The following MAN2B1 variants were observed in gnomAD, a reference collection of about 807,000 sequenced individuals.
MAN2B1 encodes mannosidase alpha class 2B member 1.
In MAN2B1, 99 loss-of-function variants were observed where a neutral mutation model predicts 127.5. The ratio of observed to expected loss-of-function variants is 0.78; its 90% CI spans 0.66 to 0.92. The LOEUF is 0.92. MAN2B1 is among the 40% of genes least tolerant of loss of function. MAN2B1 has a pLI of 0.00. For missense variants in MAN2B1, 1,304 were observed against 1,384.8 expected (o/e 0.94, Z 0.93); for synonymous variants, 573 against 568.8 (o/e 1.01, Z -0.11).
Position 12,646,562 on chromosome 19 carries a change from G to A in MAN2B1, c.*58C>T, listed in dbSNP as rs750254194. ...GGCAGCAGCCCCAAGAGGAGAGTCA[G>A]AGTCTGGTCTGCCCCCGGAGCAGGA... On this transcript the variant is annotated 3_prime_UTR_variant, in exon 24 of 24. Transcript: ENST00000456935. The A allele has an allele frequency of 1.6e-5, 21 of 1,295,448 alleles. No individual in the cohort carries two copies. The highest frequency in any genetic ancestry group is 2.2e-5 in the Non-Finnish European group (20 of 890,550). 80.2% of individuals were successfully genotyped at this position (1,295,448 alleles called of 1,614,324 possible). A position where few individuals can be genotyped will look rare whatever the true frequency, so the allele number is the denominator to read the frequency against.
At chr19:12,646,961 A>T (rs1409628317) in intron 23 of MAN2B1, 16 of 608,504 alleles carry the variant, frequency 2.6e-5, no homozygotes, top group Non-Finnish European at 2.9e-5. Context: ...ATCTGACCCC[A>T]GGGGTGATGA....
chr19:12,663,642 G>A (rs2024160695), intron 5 of MAN2B1, 61 bp downstream of exon 5: 1 of 1,564,858 alleles, frequency 6.4e-7, no homozygotes, highest in Admixed American at 1.9e-5. Flanking sequence ...CAGATATCAA[G>A]CCCAGGGCCC....
At chr19:12,665,296 G>C in intron 3 of MAN2B1, 56 bp downstream of exon 3, 1 of 1,586,074 alleles carries the variant, frequency 6.3e-7, no homozygotes, top group Non-Finnish European at 8.6e-7. Flanking sequence ...AACCAGAGAT[G>C]CAGAAGCAGA....
rs1255559675 is a variant in MAN2B1 at position 12,665,684 on chromosome 19, G to C, written c.262+19C>G. On this transcript the variant is annotated intron_variant, in intron 2 of 23. Transcript: ENST00000456935. ...GGGACCATGGGGATCCCAGGGACCA[G>C]TCCCCATCCTCTACTCACTTCCATA... 1 of 1,608,586 alleles carries C rather than the reference G, an allele frequency of 6.2e-7. No homozygotes were observed. The highest frequency in any genetic ancestry group is 8.5e-7 in the Non-Finnish European group (1 of 1,174,918).
chr19:12,663,492 C>T (rs1217490960), intron 5 of MAN2B1, 30 bp from the exon 6 acceptor site: 1 of 1,611,568 alleles, frequency 6.2e-7, no homozygotes, highest in Non-Finnish European at 8.5e-7. Flanking sequence ...CAAGGGGTGG[C>T]CCATCACCCA....
chr19:12,665,091 G>C (rs556689288), intron 3 of MAN2B1, 106 bp from the exon 4 acceptor site: 1 of 1,192,724 alleles, frequency 8.4e-7, no homozygotes, highest in Admixed American at 1.8e-5. Flanking sequence ...CATTTCTGGC[G>C]GAAGGACAAG....
rs1568308577 is a variant in MAN2B1, at chr19:12,665,479, CG to C, written c.308del (p.Ser103TrpfsTer54). On this transcript the variant is annotated frameshift_variant, in exon 3 of 24. Transcript: ENST00000456935. LOFTEE classifies it high-confidence loss of function. ...GATCTGCCAGCAAGGCAGAGATGAC[CG>C]AGTCCAGGATGTACTGCACACCGGC... Reference protein sequence around the residue: ...QHAGVQYILDSVISALLADPT... With the variant: ...QHAGVQYILDXVISALLADPT... 3.1e-6 allele frequency: 5 copies of C among 1,614,118 alleles called. No individual in the cohort carries two copies. The highest frequency in any genetic ancestry group is 4.2e-6 in the Non-Finnish European group (5 of 1,180,036).
At chr19:12,660,852 G>A (rs763817485) in intron 7 of MAN2B1, 17 of 263,538 alleles carry the variant, frequency 6.5e-5, no homozygotes, top group Non-Finnish European at 8.3e-5. Flanking sequence ...TCCGCCTCCC[G>A]GATTCAAGAG....
In MAN2B1 at chr19:12,665,756, T is replaced by C. The variant is rs28934600; in HGVS notation, c.209A>G (p.His70Arg). 1 of 1,614,018 alleles carries C rather than the reference T, an allele frequency of 6.2e-7. No homozygotes were observed. The highest frequency in any genetic ancestry group is 1.3e-5 in the African/African-American group (1 of 74,900). The change falls in exon 2 of 24, where the codon CAC becomes CGC. Residue 70 changes from histidine to arginine, a missense_variant. His to Arg is a conservative substitution (Grantham distance 29, BLOSUM62 0). Coordinates refer to ENST00000456935, the MANE Select transcript of MAN2B1 (RefSeq NM_000528.4). The part of the protein sequence containing the change: ...PNMLNVHLLP[H>R]THDDVGWLKT... ...GAGCCAGCCCACGTCATCATGTGTGTGAGGCAGCAGGTGCACGTTCAGCAT... is the reference window on the plus strand; with the variant it reads ...GAGCCAGCCCACGTCATCATGTGTGCGAGGCAGCAGGTGCACGTTCAGCAT...
intron 7 of MAN2B1, among the ~76,000 whole-genome samples, chr19:12,659,835 A>G (rs2024061867): frequency 6.6e-6 from 1 of 152,048 alleles, no homozygotes. Flanking sequence ...ATAAATAAAT[A>G]AATAAAATTT....
Position 12,647,600 on chromosome 19 carries a change from T to G in MAN2B1, c.2665-2A>C. On this transcript the variant is annotated splice_acceptor_variant, in intron 21 of 23. Transcript: ENST00000456935. LOFTEE classifies it high-confidence loss of function. The surrounding 1 kb of genome is among the most constrained non-coding windows in gnomAD (Gnocchi z 4.9). ...CAGGTCCCTGCGCAGCCCTGAGAACTGCGGGAGAGAGGGCGGGGCTGAGTT... is the reference window on the plus strand; with the variant it reads ...CAGGTCCCTGCGCAGCCCTGAGAACGGCGGGAGAGAGGGCGGGGCTGAGTT... 6.4e-7 allele frequency: 1 copy of G among 1,571,600 alleles called. No individual in the cohort carries two copies. Among genetic ancestry groups the G allele is most frequent in the Non-Finnish European group, 8.6e-7 (1 of 1,157,022 alleles).
At chr19:12,664,308 A>T (rs2024175914) in intron 4 of MAN2B1, among the ~76,000 whole-genome samples, 1 of 152,188 alleles carries the variant, frequency 6.6e-6, no homozygotes, top group African/African-American at 2.4e-5. Flanking sequence ...AGAACTCACC[A>T]CCTTGGGCTA....
At chr19:12,659,221 G>C (rs548073563) in intron 7 of MAN2B1, among the ~76,000 whole-genome samples, 11 of 151,696 alleles carry the variant, frequency 7.3e-5, no homozygotes, top group African/African-American at 2.4e-4. Flanking sequence ...GAACAAGAAA[G>C]TGACCTATGT....
intron 13 of MAN2B1, 76 bp from the exon 14 acceptor site, chr19:12,655,955 A>G: frequency 8.2e-7 from 1 of 1,218,322 alleles, no homozygotes; most frequent in Non-Finnish European, 1.2e-6. Flanking sequence ...AAAAAACTCA[A>G]GGAAGGAAAA....
rs548626057 is a variant in MAN2B1 at position 12,647,786 on chromosome 19, G to A, written c.2665-188C>T. ...GACTGAGCCAATGGGGAGATGGGTCGGTCCCAAGCTTAGGGTTCGAGTCCC... is the reference window on the plus strand; with the variant it reads ...GACTGAGCCAATGGGGAGATGGGTCAGTCCCAAGCTTAGGGTTCGAGTCCC... On this transcript the variant is annotated intron_variant, in intron 21 of 23. Coordinates refer to ENST00000456935, the MANE Select transcript of MAN2B1 (RefSeq NM_000528.4). This position sits in a 1 kb window ranked among gnomAD's most constrained non-coding sequence, Gnocchi z 4.9. The A allele has an allele frequency of 6.7e-5, 41 of 610,960 alleles. No individual in the cohort carries two copies. The highest frequency in any genetic ancestry group is 6.3e-4 in the East Asian group (23 of 36,384). The allele number at this position is 610,960 out of a possible 1,614,324, so 37.8% of individuals were successfully genotyped here.
chr19:12,666,513 T>C (rs1050864451), intron 1 of MAN2B1, 30 bp downstream of exon 1: 9 of 1,564,998 alleles, frequency 5.8e-6, no homozygotes, highest in East Asian at 4.7e-5. Flanking sequence ...CTCTGCCTCC[T>C]GTACGTTTCA....
rs976940825 is a variant in MAN2B1, at chr19:12,663,447, C to T, written c.779G>A (p.Gly260Asp). 4 of 1,614,072 alleles carry T rather than the reference C, an allele frequency of 2.5e-6. No homozygotes were observed. The South Asian group carries it at 4.4e-5, about 18-fold the overall frequency. Residue 260 changes from glycine to aspartate, a missense_variant, in exon 6 of 24, where the codon GGT (glycine) becomes GAT (aspartate). By Grantham distance (94) the Gly-to-Asp change is moderately conservative. Transcript: ENST00000456935. ...GCACAGATTCCTTGGCGGGTTGTAACCATTGGGAAGCACACCTGCAGGTCA... is the reference window on the plus strand; with the variant it reads ...GCACAGATTCCTTGGCGGGTTGTAATCATTGGGAAGCACACCTGCAGGTCA... ...ADLFTGVLPN[G>D]YNPPRNLCWD...
chr19:12,665,556 A>T lies in MAN2B1; in HGVS notation c.263-31T>A, dbSNP rs2024213253. The T allele has an allele frequency of 1.9e-6, 3 of 1,612,910 alleles. No homozygotes were observed. The Admixed American group carries it at 5.0e-5, about 27-fold the overall frequency. ...GATAACAGGGATAAGGCTCTCAGGGAACAGCAGAGCCAAGGGGGTTATTCC... is the reference window on the plus strand; with the variant it reads ...GATAACAGGGATAAGGCTCTCAGGGTACAGCAGAGCCAAGGGGGTTATTCC... On this transcript the variant is annotated intron_variant, in intron 2 of 23. Coordinates refer to ENST00000456935, the MANE Select transcript of MAN2B1 (RefSeq NM_000528.4).
chr19:12,662,294 G>T (rs1372485706), intron 6 of MAN2B1, among the ~76,000 whole-genome samples: 1 of 152,102 alleles, frequency 6.6e-6, no homozygotes, highest in African/African-American at 2.4e-5. Flanking sequence ...TGGGCCACAT[G>T]GTGAGACCTT....
Sources: allele counts gnomAD v4.1 joint callset (sites outside exome capture counted in the v4.1 genomes callset), GRCh38; gene constraint gnomAD v4.1.1; non-coding constraint Gnocchi (gnomAD v3.1); transcripts MANE v1.5; gene names NCBI Gene and HGNC (gene_info 2026-07-23, HGNC 2026-07-21).